IQCB1: variants seen among roughly 807,000 people sequenced by gnomAD.
IQCB1 encodes the protein IQ calmodulin-binding motif-containing protein 1.
In IQCB1, 56 loss-of-function variants were observed where a neutral mutation model predicts 84.4. The observed-to-expected ratio is 0.66, with a 90% CI of 0.54 to 0.83. The LOEUF (loss-of-function observed/expected upper bound fraction) is 0.83. Ranked by LOEUF, IQCB1 falls within the 40% of genes least tolerant of loss-of-function variation. The pLI is 0.00. For synonymous variants in IQCB1, 210 were observed against 234.8 expected, an observed-to-expected ratio of 0.89 and a Z score of 0.96; for missense variants, 629 against 682.1, an observed-to-expected ratio of 0.92 and a Z score of 0.87.
In IQCB1 at chr3:121,828,633, C is replaced by G. The variant is rs1372024420; in HGVS notation, c.101-1G>C. On this transcript the variant is annotated splice_acceptor_variant, in intron 3 of 14. Transcript: ENST00000310864. LOFTEE classifies it high-confidence loss of function. ...CCTAAAGGTGTGATGTTTATTATTT[C>G]TAAGGCAAAAGGAAATAAGATATAT... is the stretch of plus-strand genomic sequence containing the variant. 1 of 1,586,544 alleles carries G rather than the reference C, an allele frequency of 6.3e-7. No individual in the cohort carries two copies. The highest frequency in any genetic ancestry group is 1.1e-5 in the South Asian group (1 of 90,234).
chr3:121,823,480 T>C (rs1950345648), intron 5 of IQCB1, among the ~76,000 whole-genome samples: 1 of 151,846 alleles, frequency 6.6e-6, no homozygotes, highest in Non-Finnish European at 1.5e-5. Context: ...GCAATATGTA[T>C]AGGAGAATGA....
intron 7 of IQCB1, among the ~76,000 whole-genome samples, chr3:121,806,296 C>A (rs1199497707): frequency 6.6e-6 from 1 of 152,084 alleles, no homozygotes; most frequent in African/African-American, 2.4e-5. Flanking sequence ...TCCCCTTAAT[C>A]TACCTTCACA....
At chr3:121,797,285 TATCTA>T in intron 8 of IQCB1, 58 bp from the exon 9 acceptor site, 3 of 780,112 alleles carry the variant, frequency 3.8e-6, no homozygotes, top group Non-Finnish European at 2.1e-6. Context: ...ATGATTTTGT[TATCTA>T]ATCAGTATTA....
chr3:121,800,837 C>T (rs1198697787), intron 7 of IQCB1, among the ~76,000 whole-genome samples: 2 of 151,890 alleles, frequency 1.3e-5, no homozygotes, highest in Admixed American at 1.3e-4. Context: ...CACTATCTCA[C>T]ATCTCATTTC....
intron 13 of IQCB1, among the ~76,000 whole-genome samples, chr3:121,781,455 C>T (rs1388995755): frequency 6.6e-6 from 1 of 152,024 alleles, no homozygotes. Context: ...CCAAGTTTTA[C>T]AGTACTATTG....
chr3:121,828,328 A>G, intron 4 of IQCB1, 142 bp downstream of exon 4: 1 of 699,524 alleles, frequency 1.4e-6, no homozygotes, highest in Non-Finnish European at 2.5e-6. Flanking sequence ...ATAATAACAT[A>G]TAATATGAAG....
intron 13 of IQCB1, among the ~76,000 whole-genome samples, chr3:121,776,762 A>G (rs1437131970): frequency 1.3e-5 from 2 of 152,054 alleles, no homozygotes; most frequent in Non-Finnish European, 2.9e-5. Context: ...TGCATTTTTC[A>G]TGTGTTTATT....
chr3:121,812,612 T>C (rs1949872210), intron 5 of IQCB1, among the ~76,000 whole-genome samples: 1 of 152,084 alleles, frequency 6.6e-6, no homozygotes, highest in Admixed American at 6.5e-5. Flanking sequence ...GCATGAGAAC[T>C]TCATGAAGCA....
chr3:121,778,574 C>G (rs1284407546), intron 13 of IQCB1, among the ~76,000 whole-genome samples: 1 of 150,530 alleles, frequency 6.6e-6, no homozygotes, highest in Non-Finnish European at 1.5e-5. Flanking sequence ...GTACAGAATT[C>G]TAGGTTGACA....
chr3:121,787,580 G>A (rs545473202), intron 12 of IQCB1, among the ~76,000 whole-genome samples: 18 of 152,064 alleles, frequency 1.2e-4, no homozygotes, highest in East Asian at 1.9e-4. Context: ...GTGAAACCCC[G>A]TCTCTATTAA....
At chr3:121,790,360 TCTG>T in intron 10 of IQCB1, 145 bp from the exon 11 acceptor site, 1 of 641,854 alleles carries the variant, frequency 1.6e-6, no homozygotes, top group Non-Finnish European at 2.7e-6. Flanking sequence ...TAGCTTGTCA[TCTG>T]CTGCTGTTGT....
At chr3:121,822,370 G>A (rs1950304782) in intron 5 of IQCB1, among the ~76,000 whole-genome samples, 1 of 152,202 alleles carries the variant, frequency 6.6e-6, no homozygotes, top group Non-Finnish European at 1.5e-5. Context: ...TAGGGAAAGA[G>A]TTCAAATAAG....
At chr3:121,829,821 G>A (rs1421772423) in intron 2 of IQCB1, among the ~76,000 whole-genome samples, 2 of 152,106 alleles carry the variant, frequency 1.3e-5, no homozygotes, top group African/African-American at 4.8e-5. Flanking sequence ...TCTGAGTCCT[G>A]TGAGCCCTCC....
At chr3:121,772,066 C>T (rs914463539) in intron 14 of IQCB1, among the ~76,000 whole-genome samples, 3 of 151,960 alleles carry the variant, frequency 2.0e-5, no homozygotes, top group Non-Finnish European at 2.9e-5. Context: ...CCCAGCTACT[C>T]GGGGAGGCTG....
chr3:121,803,347 G>A (rs1034576847), intron 7 of IQCB1, among the ~76,000 whole-genome samples: 3 of 152,128 alleles, frequency 2.0e-5, no homozygotes, highest in East Asian at 1.9e-4. Flanking sequence ...CACCGTGCCC[G>A]GCCCCTTTTG....
At chr3:121,772,482 T>G (rs893918641) in intron 14 of IQCB1, 75 bp downstream of exon 14, 2 of 1,481,650 alleles carry the variant, frequency 1.3e-6, no homozygotes, top group Non-Finnish European at 1.9e-6. Flanking sequence ...AATGGTTTCC[T>G]TCTAAAGGTT....
chr3:121,796,122 AAT>A (rs1250001498), intron 9 of IQCB1, among the ~76,000 whole-genome samples: 4 of 152,080 alleles, frequency 2.6e-5, no homozygotes, highest in African/African-American at 9.7e-5. Flanking sequence ...TTAATAATAA[AAT>A]ATAGTTTTAT....
At chr3:121,813,662 A>C (rs1384581892) in intron 5 of IQCB1, among the ~76,000 whole-genome samples, 2 of 152,258 alleles carry the variant, frequency 1.3e-5, no homozygotes, top group Admixed American at 6.5e-5. Flanking sequence ...AACAAAGATC[A>C]AAAAAGACAA....
intron 6 of IQCB1, among the ~76,000 whole-genome samples, chr3:121,807,790 A>G (rs1949664800): frequency 6.6e-6 from 1 of 152,034 alleles, no homozygotes; most frequent in Non-Finnish European, 1.5e-5. Context: ...CAAAGACAGA[A>G]TATAAGGAAA....
Sources: allele counts gnomAD v4.1 joint callset (sites outside exome capture counted in the v4.1 genomes callset), GRCh38; gene constraint gnomAD v4.1.1; transcripts MANE v1.5; gene names NCBI Gene and HGNC (gene_info 2026-07-23, HGNC 2026-07-21).